Variants in FBXW11 observed in about 807,000 individuals in gnomAD.
FBXW11 encodes the protein F-box/WD repeat-containing protein 11.
In FBXW11, 19 loss-of-function variants were observed where a neutral mutation model predicts 77.6. The observed-to-expected ratio is 0.24, with a 90% confidence interval of 0.17 to 0.36. FBXW11 has a LOEUF of 0.36. Ranked by LOEUF, FBXW11 falls within the 10% of genes least tolerant of loss-of-function variation. The pLI, the probability that FBXW11 is intolerant of heterozygous loss-of-function variation, is 1.00. For synonymous variants in FBXW11, 235 were observed against 249.4 expected (o/e 0.94, Z 0.54); for missense variants, 334 against 704.2 (o/e 0.47, Z 5.95).
chr5:171,872,019 A>C (rs746110696), intron 10 of FBXW11, among the ~76,000 whole-genome samples: 2 of 152,252 alleles, frequency 1.3e-5, no homozygotes, highest in Non-Finnish European at 2.9e-5. Context: ...GCTCTAAACT[A>C]AATTTATGGT....
intron 6 of FBXW11, among the ~76,000 whole-genome samples, chr5:171,894,283 C>T (rs1331839892): frequency 6.6e-6 from 1 of 152,194 alleles, no homozygotes; most frequent in Non-Finnish European, 1.5e-5. Context: ...CTGCTAGATA[C>T]CAGACTTTCA....
At chr5:171,881,758 T>C (rs561841839) in intron 7 of FBXW11, among the ~76,000 whole-genome samples, 1 of 152,372 alleles carries the variant, frequency 6.6e-6, no homozygotes, top group South Asian at 2.1e-4. Context: ...CTTCAACAGA[T>C]AAAGGCCTAT....
At chr5:171,867,125 A>G (rs1040604720) in intron 13 of FBXW11, among the ~76,000 whole-genome samples, 1 of 152,194 alleles carries the variant, frequency 6.6e-6, no homozygotes, top group Non-Finnish European at 1.5e-5. Flanking sequence ...CTTATTTGCC[A>G]TTCCTGATGT....
intron 7 of FBXW11, among the ~76,000 whole-genome samples, chr5:171,883,380 A>G (rs1038456690): frequency 2.0e-4 from 30 of 152,208 alleles, no homozygotes; most frequent in African/African-American, 7.2e-4. Context: ...AACAGGCCCC[A>G]GTGTGGGGAG....
chr5:171,927,329 C>A (rs1761945594), intron 2 of FBXW11, among the ~76,000 whole-genome samples: 1 of 152,070 alleles, frequency 6.6e-6, no homozygotes, highest in Non-Finnish European at 1.5e-5. Flanking sequence ...TCAATTCTTT[C>A]AAAGGAACTA....
intron 2 of FBXW11, among the ~76,000 whole-genome samples, chr5:171,955,724 T>C (rs1385112956): frequency 6.6e-6 from 1 of 151,682 alleles, no homozygotes; most frequent in Non-Finnish European, 1.5e-5. Flanking sequence ...CTCAATTATA[T>C]ACTAGCAAAA....
intron 2 of FBXW11, among the ~76,000 whole-genome samples, chr5:171,943,165 T>G (rs1269251128): frequency 6.6e-6 from 1 of 152,246 alleles, no homozygotes; most frequent in Non-Finnish European, 1.5e-5. Flanking sequence ...CTTCTTTATA[T>G]TAGGGTAGAC....
intron 4 of FBXW11, among the ~76,000 whole-genome samples, chr5:171,908,312 T>C (rs1184021641): frequency 2.6e-5 from 4 of 152,204 alleles, no homozygotes; most frequent in Admixed American, 6.5e-5. Context: ...GTGAGAATTA[T>C]TGAACTGAGT....
At chr5:171,898,758 T>G (rs1166490739) in intron 6 of FBXW11, among the ~76,000 whole-genome samples, 2 of 152,202 alleles carry the variant, frequency 1.3e-5, no homozygotes, top group Non-Finnish European at 2.9e-5. Context: ...AAGGTTTGAA[T>G]TAACCGGCAG....
At chr5:171,952,415 G>GTACA (rs1364470150) in intron 2 of FBXW11, among the ~76,000 whole-genome samples, 4 of 50,080 alleles carry the variant, frequency 8.0e-5, no homozygotes, top group Non-Finnish European at 8.1e-5. Context: ...TGTGTTGTGT[G>GTACA]TACATACATA....
At chr5:171,868,475 T>C (rs1043431119) in intron 13 of FBXW11, 135 bp downstream of exon 13, 18 of 646,564 alleles carry the variant, frequency 2.8e-5, no homozygotes, top group African/African-American at 1.7e-4. Context: ...AGCCTTACAC[T>C]TGAACTCTGC....
At chr5:171,878,575 T>A (rs1412908377) in intron 7 of FBXW11, among the ~76,000 whole-genome samples, 2 of 66,006 alleles carry the variant, frequency 3.0e-5, no homozygotes, top group East Asian at 6.1e-4. Context: ...TGTGTGTGTG[T>A]GTGTGTGTGT....
chr5:171,946,327 C>T lies in FBXW11; in HGVS notation c.147+11270G>A, dbSNP rs548632592. 8.8e-4 allele frequency among the ~76,000 whole-genome samples: 134 copies of T among 152,194 alleles called. 1 individual carries two copies. Among genetic ancestry groups the T allele is most frequent in the African/African-American group, 3.2e-3 (131 of 41,528 alleles). On this transcript the variant is annotated intron_variant, in intron 2 of 13. Coordinates refer to ENST00000517395, the MANE Select transcript of FBXW11 (RefSeq NM_001378974.1). ...ATCTTAGAGTTGGTCTCCCTGCTTCCGCCTCTTCTTTCTATGTCTACACAG... is the reference window on the plus strand; with the variant it reads ...ATCTTAGAGTTGGTCTCCCTGCTTCTGCCTCTTCTTTCTATGTCTACACAG...
At chr5:171,878,927 A>T (rs1758322122) in intron 7 of FBXW11, among the ~76,000 whole-genome samples, 1 of 152,214 alleles carries the variant, frequency 6.6e-6, no homozygotes, top group South Asian at 2.1e-4. Context: ...GTGGAAAATG[A>T]AATGTCCAGC....
At chr5:171,872,810 G>A (rs1419974105) in intron 10 of FBXW11, 62 bp downstream of exon 10, 2 of 1,153,252 alleles carry the variant, frequency 1.7e-6, no homozygotes, top group Admixed American at 3.5e-5. Context: ...TTAGAACTAG[G>A]AGATGAGTCA....
intron 6 of FBXW11, among the ~76,000 whole-genome samples, chr5:171,895,972 C>T (rs1759716048): frequency 6.6e-6 from 1 of 152,174 alleles, no homozygotes; most frequent in African/African-American, 2.4e-5. Context: ...GCGAGATGAG[C>T]CTTTGCAGAA....
At chr5:171,957,022 A>G (rs557909058) in intron 2 of FBXW11, among the ~76,000 whole-genome samples, 1 of 152,318 alleles carries the variant, frequency 6.6e-6, no homozygotes, top group African/African-American at 2.4e-5. Flanking sequence ...CTCGGCCTGG[A>G]AAACTGGGTG....
intron 2 of FBXW11, among the ~76,000 whole-genome samples, chr5:171,931,008 C>T (rs972620387): frequency 6.6e-6 from 1 of 151,840 alleles, no homozygotes; most frequent in Non-Finnish European, 1.5e-5. Context: ...CTAGAAAATC[C>T]TGATGAAGGA....
Position 171,973,849 on chromosome 5 carries a change from T to C in FBXW11, c.46-16151A>G, listed in dbSNP as rs547782176. Among the ~76,000 whole-genome samples, 5 of 152,292 alleles carry C rather than the reference T, an allele frequency of 3.3e-5. No homozygotes were observed. The South Asian group carries it at 1.0e-3, about 32-fold the overall frequency. On this transcript the variant is annotated intron_variant, in intron 1 of 13. Coordinates refer to ENST00000517395, the MANE Select transcript of FBXW11 (RefSeq NM_001378974.1). ...ATCTAAAACTGTTCTAAAAATAGAC[T>C]ATTAATTTAAAATATATTTATGAAA...
Sources: gnomAD v4.1 joint callset for allele counts (sites outside exome capture counted in the v4.1 genomes callset) on GRCh38, gnomAD v4.1.1 for gene constraint, MANE v1.5 for transcripts, NCBI Gene and HGNC (gene_info 2026-07-23, HGNC 2026-07-21) for gene names.